The following AP1S3 variants were observed in gnomAD, a reference collection of about 807,000 sequenced individuals.
AP1S3 encodes the protein adaptor related protein complex 1 subunit sigma 3, also known as AP-1 complex subunit sigma-3.
A neutral mutation model predicts 20.9 loss-of-function variants in AP1S3; 10 were observed. The ratio of observed to expected loss-of-function variants is 0.48; its 90% CI spans 0.29 to 0.81. The LOEUF (loss-of-function observed/expected upper bound fraction) is 0.81, where lower values mean the gene tolerates loss of function less well. Ranked by LOEUF, AP1S3 falls within the 30% of genes least tolerant of loss-of-function variation. The pLI, the probability that AP1S3 is intolerant of heterozygous loss-of-function variation, is 0.08. For synonymous variants in AP1S3, 41 were observed against 61.5 expected (o/e 0.67, Z 1.56); for missense variants, 154 against 183.8 (o/e 0.84, Z 0.94).
At chr2:223,799,788 T>C (rs531200955) in intron 1 of AP1S3, among the ~76,000 whole-genome samples, 26 of 152,284 alleles carry the variant, frequency 1.7e-4, no homozygotes, top group Non-Finnish European at 2.6e-4. Context: ...AATCTTCTCA[T>C]GAACCTAGGT....
At chr2:223,825,280 T>C (rs1193833669) in intron 1 of AP1S3, among the ~76,000 whole-genome samples, 2 of 149,682 alleles carry the variant, frequency 1.3e-5, no homozygotes, top group Non-Finnish European at 3.0e-5. Context: ...GCCACTGCAC[T>C]CCAGCCTGGG....
chr2:223,775,049 G>A (rs545379110), intron 3 of AP1S3, among the ~76,000 whole-genome samples: 4 of 69,046 alleles, frequency 5.8e-5, no homozygotes, highest in African/African-American at 2.0e-4. Flanking sequence ...CAAGAAGGGC[G>A]AATTTAAAGA....
chr2:223,779,833 G>A (rs1293212231), intron 1 of AP1S3, among the ~76,000 whole-genome samples: 1 of 152,034 alleles, frequency 6.6e-6, no homozygotes, highest in Non-Finnish European at 1.5e-5. Flanking sequence ...CACGTGTGGT[G>A]GTGCATGCTT....
intron 1 of AP1S3, among the ~76,000 whole-genome samples, chr2:223,781,162 A>G (rs1690936874): frequency 1.3e-5 from 2 of 151,980 alleles, no homozygotes; most frequent in Non-Finnish European, 2.9e-5. Context: ...ATATATGTAT[A>G]TTACCATGTT....
At chr2:223,783,291 G>A (rs1214799571) in intron 1 of AP1S3, among the ~76,000 whole-genome samples, 1 of 152,092 alleles carries the variant, frequency 6.6e-6, no homozygotes, top group Non-Finnish European at 1.5e-5. Context: ...TGGGCACCTG[G>A]TTCCACCAAG....
At chr2:223,803,105 A>T (rs1291315841) in intron 1 of AP1S3, among the ~76,000 whole-genome samples, 1 of 152,236 alleles carries the variant, frequency 6.6e-6, no homozygotes, top group African/African-American at 2.4e-5. Flanking sequence ...AGATGTAAAC[A>T]AACATAAATA....
At chr2:223,762,041 C>T (rs1028648796) in intron 4 of AP1S3, among the ~76,000 whole-genome samples, 5 of 152,030 alleles carry the variant, frequency 3.3e-5, no homozygotes, top group East Asian at 3.9e-4. Flanking sequence ...GGCATGATCT[C>T]GGCTCACTGC....
chr2:223,757,049 G>A lies in AP1S3; in HGVS notation c.*1666C>T, dbSNP rs181095561. 2.4e-4 allele frequency: 231 copies of A among 961,030 alleles called. No homozygotes were observed. In the African/African-American group the frequency reaches 3.7e-3, roughly 15 times the overall value. 59.5% of individuals were successfully genotyped at this position (961,030 alleles called of 1,614,324 possible). A position where few individuals can be genotyped will look rare whatever the true frequency, so the allele number is the denominator to read the frequency against. Reference sequence around the variant, plus strand: ...TCTGTCACCCGCCTGGAGTGCACTGGTATGACCTTGGCTCACTGCAACCTC... The same window carrying A: ...TCTGTCACCCGCCTGGAGTGCACTGATATGACCTTGGCTCACTGCAACCTC... On this transcript the variant is annotated 3_prime_UTR_variant, in exon 5 of 5. Coordinates refer to ENST00000396654, the MANE Select transcript of AP1S3 (RefSeq NM_001039569.2).
intron 1 of AP1S3, among the ~76,000 whole-genome samples, chr2:223,824,810 C>CA (rs773986714): frequency 2.4e-4 from 36 of 152,330 alleles, no homozygotes; most frequent in Middle Eastern, 3.4e-3. Flanking sequence ...GCTGGGATTG[C>CA]AGGCGTAAGC....
rs74412357 is a variant in AP1S3, at chr2:223,766,222, A to G, written c.292-872T>C. Reference sequence around the variant, plus strand: ...CTCATTGAGTCTCCAGACTGCATAAATGTCTTCTTTTGAGAAGCGTCTGTT... The same window carrying G: ...CTCATTGAGTCTCCAGACTGCATAAGTGTCTTCTTTTGAGAAGCGTCTGTT... On this transcript the variant is annotated intron_variant, in intron 3 of 4. Coordinates refer to ENST00000396654, the MANE Select transcript of AP1S3 (RefSeq NM_001039569.2). Among the ~76,000 whole-genome samples the G allele has an allele frequency of 2.8e-3, 421 of 152,232 alleles. 3 individuals are homozygous for G. Among genetic ancestry groups the G allele is most frequent in the African/African-American group, 9.6e-3 (398 of 41,542 alleles).
chr2:223,772,283 T>C (rs1191946029), intron 3 of AP1S3, among the ~76,000 whole-genome samples: 3 of 152,184 alleles, frequency 2.0e-5, no homozygotes, highest in Middle Eastern at 3.2e-3. Flanking sequence ...ATTTTTCTCA[T>C]CTGCAAAACG....
chr2:223,800,449 T>C (rs1053953025), intron 1 of AP1S3, among the ~76,000 whole-genome samples: 1 of 151,992 alleles, frequency 6.6e-6, no homozygotes, highest in African/African-American at 2.4e-5. Flanking sequence ...GGAGGGTCAC[T>C]TAAGCCTGAG....
At chr2:223,828,755 T>C (rs921114466) in intron 1 of AP1S3, among the ~76,000 whole-genome samples, 1 of 152,206 alleles carries the variant, frequency 6.6e-6, no homozygotes, top group African/African-American at 2.4e-5. Flanking sequence ...AAGCCCTGCA[T>C]TCAGAAGGAC....
At position 223,758,008 on chromosome 2, in the gene AP1S3, T is replaced by C. The variant is rs1191522951; in HGVS notation, c.*707A>G. ...TAAACCTTAATAAATATATAGTTCA[T>C]AGAAAACCTTATTGGAATGTCCCTT... is the stretch of plus-strand genomic sequence containing the variant. On this transcript the variant is annotated 3_prime_UTR_variant, in exon 5 of 5. Transcript: ENST00000396654. 2.1e-6 allele frequency: 2 copies of C among 971,702 alleles called. No homozygotes were observed. The highest frequency in any genetic ancestry group is 6.2e-5 in the Admixed American group (1 of 16,236). 60.2% of individuals were successfully genotyped at this position (971,702 alleles called of 1,614,324 possible).
intron 3 of AP1S3, chr2:223,770,456 AT>A (rs1156358369): frequency 5.4e-5 from 75 of 1,379,230 alleles, no homozygotes; most frequent in Non-Finnish European, 7.1e-5. Flanking sequence ...GTTTCAAGGG[AT>A]AAGGGTAAGG....
At chr2:223,810,753 T>C (rs1043815862) in intron 1 of AP1S3, among the ~76,000 whole-genome samples, 1 of 152,016 alleles carries the variant, frequency 6.6e-6, no homozygotes, top group African/African-American at 2.4e-5. Flanking sequence ...AAAAAAATAC[T>C]ATGCAGAAAA....
At chr2:223,765,428 T>C in intron 3 of AP1S3, 78 bp from the exon 4 acceptor site, 1 of 1,487,290 alleles carries the variant, frequency 6.7e-7, no homozygotes, top group Non-Finnish European at 9.0e-7. Context: ...TCGAGCTTTT[T>C]CAGTTTGCAC....
intron 1 of AP1S3, among the ~76,000 whole-genome samples, chr2:223,789,256 T>C (rs1257659776): frequency 6.6e-6 from 1 of 151,850 alleles, no homozygotes; most frequent in East Asian, 1.9e-4. Context: ...AGTTCCTATG[T>C]CAATAAAACA....
intron 1 of AP1S3, among the ~76,000 whole-genome samples, chr2:223,825,433 C>A (rs1692106533): frequency 6.6e-6 from 1 of 152,142 alleles, no homozygotes; most frequent in South Asian, 2.1e-4. Flanking sequence ...CCTTCCCTCT[C>A]ACACACACAT....
Sources: allele counts gnomAD v4.1 joint callset (sites outside exome capture counted in the v4.1 genomes callset), GRCh38; gene constraint gnomAD v4.1.1; transcripts MANE v1.5; gene names NCBI Gene and HGNC (gene_info 2026-07-23, HGNC 2026-07-21).